Variants in LINGO2 observed in about 807,000 individuals in gnomAD.
LINGO2 encodes leucine rich repeat and Ig domain containing 2.
A neutral mutation model predicts 30.6 loss-of-function variants in LINGO2; 14 were observed. The ratio of observed to expected loss-of-function variants is 0.46; its 90% CI spans 0.30 to 0.72. The LOEUF (loss-of-function observed/expected upper bound fraction) is 0.72. LINGO2 is among the 30% of genes least tolerant of loss of function. The pLI is 0.07. For synonymous variants in LINGO2, 317 were observed against 288.5 expected, an observed-to-expected ratio of 1.10 and a Z score of -1.00; for missense variants, 729 against 751.7, an observed-to-expected ratio of 0.97 and a Z score of 0.35.
At position 28,329,666 on chromosome 9, in the gene LINGO2, T is replaced by C. The variant is rs950417993; in HGVS notation, c.-245-34300A>G. Among the ~76,000 whole-genome samples the C allele has an allele frequency of 1.3e-5, 2 of 152,082 alleles. No individual in the cohort carries two copies. Among genetic ancestry groups the C allele is most frequent in the African/African-American group, 4.8e-5 (2 of 41,420 alleles). ...GTTTCCTTCCCACTCTCCCCTTCTT[T>C]CACTCATTTACCACTGCAACTGCTA... is the stretch of plus-strand genomic sequence containing the variant. On this transcript the variant is annotated intron_variant, in intron 3 of 5. Coordinates refer to ENST00000379992, the Ensembl canonical transcript of LINGO2. The surrounding 1 kb of genome is among the most constrained non-coding windows in gnomAD (Gnocchi z 4.5).
intron 1 of LINGO2, among the ~76,000 whole-genome samples, chr9:28,638,836 C>T (rs370377907): frequency 6.6e-6 from 1 of 152,052 alleles, no homozygotes; most frequent in South Asian, 2.1e-4. Context: ...CTGCTCTGAT[C>T]TTAGTTATTT....
At chr9:28,835,355 G>C in the LINGO2 span, among the ~76,000 whole-genome samples, 2 of 152,074 alleles carry the variant, frequency 1.3e-5, no homozygotes, top group Non-Finnish European at 2.9e-5. Flanking sequence ...TATTCAAAAT[G>C]GTAACGTATT....
chr9:28,595,225 G>T (rs1260608063), intron 1 of LINGO2, among the ~76,000 whole-genome samples: 1 of 152,082 alleles, frequency 6.6e-6, no homozygotes, highest in African/African-American at 2.4e-5. Context: ...TTAAGTGGAT[G>T]CCACCCAGTA....
the LINGO2 span, among the ~76,000 whole-genome samples, chr9:28,818,436 G>C: frequency 1.3e-5 from 2 of 152,170 alleles, no homozygotes; most frequent in African/African-American, 4.8e-5. Flanking sequence ...CCAGGCTGGA[G>C]TGCAATGGTA....
intron 3 of LINGO2, among the ~76,000 whole-genome samples, chr9:28,346,795 CT>C (rs35373191): frequency 0.36 from 54,656 of 149,792 alleles, 11,504 homozygotes; most frequent in Non-Finnish European, 0.47. Context: ...GATATTGAGT[CT>C]TTTTTTTTTC....
intron 1 of LINGO2, among the ~76,000 whole-genome samples, chr9:28,589,435 T>C (rs1247554454): frequency 6.6e-6 from 1 of 152,124 alleles, no homozygotes; most frequent in Admixed American, 6.6e-5. Flanking sequence ...CTTAAGCTGA[T>C]AAGCAACTTC....
chr9:29,100,562 A>G, the LINGO2 span, among the ~76,000 whole-genome samples: 1 of 151,804 alleles, frequency 6.6e-6, no homozygotes, highest in East Asian at 1.9e-4. Flanking sequence ...ACACTGCCCT[A>G]CAGCCTGGGC....
intron 5 of LINGO2, among the ~76,000 whole-genome samples, chr9:28,000,854 C>T (rs1021605719): frequency 6.6e-6 from 1 of 152,240 alleles, no homozygotes; most frequent in Non-Finnish European, 1.5e-5. Flanking sequence ...AGCCACTGTA[C>T]TGTGAAGTAC....
the LINGO2 span, among the ~76,000 whole-genome samples, chr9:28,922,236 C>A: frequency 6.6e-6 from 1 of 152,160 alleles, no homozygotes; most frequent in Non-Finnish European, 1.5e-5. Flanking sequence ...GTAGGTAACA[C>A]ACTATTTTGT....
At chr9:28,860,964 T>A in the LINGO2 span, among the ~76,000 whole-genome samples, 2 of 132,974 alleles carry the variant, frequency 1.5e-5, no homozygotes, top group East Asian at 2.1e-4. Flanking sequence ...ATATATTATA[T>A]ATCATTAATA....
chr9:28,317,840 C>T (rs1402911835), intron 3 of LINGO2, among the ~76,000 whole-genome samples: 2 of 152,144 alleles, frequency 1.3e-5, no homozygotes, highest in African/African-American at 4.8e-5. Context: ...CTGTCTGCCA[C>T]ACAGGGTATG....
chr9:28,959,612 T>TCTCACACACACACACACACACA, the LINGO2 span, among the ~76,000 whole-genome samples: 5 of 132,162 alleles, frequency 3.8e-5, no homozygotes, highest in African/African-American at 1.6e-4. Flanking sequence ...TCTCTCTCCC[T>TCTCACACACACACACACACACA]CACACACACA....
chr9:28,995,260 C>G, the LINGO2 span, among the ~76,000 whole-genome samples: 1 of 152,176 alleles, frequency 6.6e-6, no homozygotes, highest in Non-Finnish European at 1.5e-5. Flanking sequence ...CCAAAAAACA[C>G]ATGAAAAAAT....
At chr9:29,084,103 A>C in the LINGO2 span, among the ~76,000 whole-genome samples, 1 of 145,100 alleles carries the variant, frequency 6.9e-6, no homozygotes, top group African/African-American at 2.6e-5. Context: ...TGATTTAATT[A>C]TGAACTCTAT....
intron 1 of LINGO2, among the ~76,000 whole-genome samples, chr9:28,556,725 C>A (rs1430449592): frequency 1.3e-5 from 2 of 151,976 alleles, no homozygotes; most frequent in African/African-American, 4.8e-5. Flanking sequence ...CTGGAGGCAT[C>A]ACACTACCTG....
At chr9:29,179,190 T>C in the LINGO2 span, among the ~76,000 whole-genome samples, 39 of 115,690 alleles carry the variant, frequency 3.4e-4, 2 homozygotes, top group East Asian at 8.5e-3. Context: ...TATATATATA[T>C]ATATATATAT....
the LINGO2 span, among the ~76,000 whole-genome samples, chr9:29,190,913 A>T: frequency 6.6e-6 from 1 of 152,220 alleles, no homozygotes; most frequent in African/African-American, 2.4e-5. Flanking sequence ...TCTTGGATAG[A>T]CAGAGACCAA....
intron 2 of LINGO2, among the ~76,000 whole-genome samples, chr9:28,439,222 T>C (rs1824088965): frequency 6.6e-6 from 1 of 150,898 alleles, no homozygotes; most frequent in Non-Finnish European, 1.5e-5. Flanking sequence ...GAAATAGAGA[T>C]AATATATATT....
At chr9:28,443,093 A>T (rs1824264599) in intron 2 of LINGO2, among the ~76,000 whole-genome samples, 1 of 152,188 alleles carries the variant, frequency 6.6e-6, no homozygotes, top group African/African-American at 2.4e-5. Flanking sequence ...CATGTGCATG[A>T]GTAGAAGAGG....
Sources: allele counts gnomAD v4.1 joint callset (sites outside exome capture counted in the v4.1 genomes callset), GRCh38; gene constraint gnomAD v4.1.1; non-coding constraint Gnocchi (gnomAD v3.1); transcripts MANE v1.5; gene names NCBI Gene and HGNC (gene_info 2026-07-23, HGNC 2026-07-21).